Variants in DLGAP1 observed in about 807,000 individuals in gnomAD.
DLGAP1 encodes disks large-associated protein 1.
A neutral mutation model predicts 90.8 loss-of-function variants in DLGAP1; 11 were observed. The ratio of observed to expected loss-of-function variants is 0.12; its 90% CI spans 0.08 to 0.20. DLGAP1 has a LOEUF of 0.20. Among genes scored for constraint, DLGAP1 ranks in the 10% least tolerant of loss-of-function variants. The probability of loss-of-function intolerance (pLI) is 1.00; values close to 1 mark genes in which losing one functional copy is unlikely to be tolerated. For missense variants in DLGAP1, 1,050 were observed against 1,333.8 expected (o/e 0.79, Z 3.31); for synonymous variants, 558 against 540.7 (o/e 1.03, Z -0.44).
chr18:4,015,231 T>C (rs1397204748), intron 2 of DLGAP1, among the ~76,000 whole-genome samples: 1 of 152,174 alleles, frequency 6.6e-6, no homozygotes, highest in Non-Finnish European at 1.5e-5. Context: ...TTGAAGTGCA[T>C]ATTGACGCCC....
At chr18:3,674,296 A>AAAAAAAAAAATATATATATATATAT (rs755076240) in intron 7 of DLGAP1, among the ~76,000 whole-genome samples, 1 of 128,992 alleles carries the variant, frequency 7.8e-6, no homozygotes, top group African/African-American at 3.2e-5. Context: ...ATAATATTAA[A>AAAAAAAAAAATATATATATATATAT]ATATATATAT....
intron 1 of DLGAP1, among the ~76,000 whole-genome samples, chr18:4,321,033 A>G (rs141427246): frequency 4.6e-5 from 7 of 152,332 alleles, no homozygotes; most frequent in Non-Finnish European, 8.8e-5. Flanking sequence ...GTCATCATTT[A>G]TAAAAGAAAA....
chr18:3,924,431 G>C (rs1311091071), intron 3 of DLGAP1, among the ~76,000 whole-genome samples: 1 of 152,114 alleles, frequency 6.6e-6, no homozygotes, highest in African/African-American at 2.4e-5. Flanking sequence ...TAGATTTTCT[G>C]TTTATGTTTT....
At chr18:3,955,928 A>C (rs1459220729) in intron 3 of DLGAP1, among the ~76,000 whole-genome samples, 1 of 152,228 alleles carries the variant, frequency 6.6e-6, no homozygotes, top group African/African-American at 2.4e-5. Flanking sequence ...ATTCCTCAAA[A>C]ATGAACAAAA....
At position 4,151,190 on chromosome 18, in the gene DLGAP1, C is replaced by T. The variant is rs1304194401; in HGVS notation, c.-169G>A. 6.6e-6 allele frequency: 1 copy of T among 152,178 alleles called. No individual in the cohort carries two copies. The allele number at this position is 152,178 out of a possible 1,614,324, so 9.4% of individuals were successfully genotyped here. A position where few individuals can be genotyped will look rare whatever the true frequency, so the allele number is the denominator to read the frequency against. On this transcript the variant is annotated 5_prime_UTR_variant, in exon 2 of 13. The change abolishes the stop of an existing upstream ORF in the 5' untranslated region. Coordinates refer to ENST00000315677, the MANE Select transcript of DLGAP1 (RefSeq NM_004746.4). ...AGGGGGCAGTTTTACCTTTGATTAT[C>T]AATTGTCCATTTTCCTTGCTTCCGA...
In DLGAP1 at chr18:4,284,434, G is replaced by A. The variant is rs560801796; in HGVS notation, c.-266-133147C>T. Among the ~76,000 whole-genome samples the A allele has an allele frequency of 5.9e-5, 9 of 152,222 alleles. No individual in the cohort carries two copies. The East Asian group carries it at 1.7e-3, about 29-fold the overall frequency. ...ATCCCATCAAAGGCCTATGAACAAG[G>A]AGCTCTTGAGTTCGAGTACCAAGGC... On this transcript the variant is annotated intron_variant, in intron 1 of 12. Coordinates refer to ENST00000315677, the MANE Select transcript of DLGAP1 (RefSeq NM_004746.4).
intron 7 of DLGAP1, among the ~76,000 whole-genome samples, chr18:3,632,567 T>A (rs1158101227): frequency 6.6e-6 from 1 of 152,184 alleles, no homozygotes; most frequent in East Asian, 1.9e-4. Flanking sequence ...CCTCCCAAAG[T>A]GCTACGATTA....
intron 2 of DLGAP1, among the ~76,000 whole-genome samples, chr18:4,071,062 A>C (rs2075439978): frequency 6.6e-6 from 1 of 152,206 alleles, no homozygotes; most frequent in South Asian, 2.1e-4. Flanking sequence ...AGATAATCTA[A>C]GCAAATGTAG....
intron 3 of DLGAP1, among the ~76,000 whole-genome samples, chr18:3,886,351 A>G (rs2071313098): frequency 6.6e-6 from 1 of 152,330 alleles, no homozygotes; most frequent in South Asian, 2.1e-4. Flanking sequence ...ACAGGCATAT[A>G]ATGTTTAATA....
chr18:4,087,936 C>T (rs1432929324), intron 2 of DLGAP1, among the ~76,000 whole-genome samples: 1 of 151,954 alleles, frequency 6.6e-6, no homozygotes, highest in Non-Finnish European at 1.5e-5. Flanking sequence ...TATGTTTAGA[C>T]TAAAATCTAA....
At chr18:4,245,312 A>G (rs904097117) in intron 1 of DLGAP1, among the ~76,000 whole-genome samples, 1 of 152,216 alleles carries the variant, frequency 6.6e-6, no homozygotes, top group Non-Finnish European at 1.5e-5. Flanking sequence ...TTTCATCAGC[A>G]TTATGAAAAC....
At chr18:3,779,454 T>C (rs1043701429) in intron 5 of DLGAP1, among the ~76,000 whole-genome samples, 3 of 152,150 alleles carry the variant, frequency 2.0e-5, no homozygotes, top group African/African-American at 7.2e-5. Flanking sequence ...AAACCCATAG[T>C]AATCCATCCA....
At chr18:3,643,752 A>C (rs555831699) in intron 7 of DLGAP1, among the ~76,000 whole-genome samples, 1 of 152,140 alleles carries the variant, frequency 6.6e-6, no homozygotes, top group East Asian at 1.9e-4. Context: ...TAGGTTCAAC[A>C]TTGCTCATAA....
intron 1 of DLGAP1, among the ~76,000 whole-genome samples, chr18:4,242,390 G>C (rs969010110): frequency 6.6e-6 from 1 of 152,088 alleles, no homozygotes; most frequent in Non-Finnish European, 1.5e-5. Flanking sequence ...GTGGGTGCTA[G>C]AAAGTCCGCC....
Position 3,833,322 on chromosome 18 carries a change from C to T in DLGAP1, c.958-19049G>A, listed in dbSNP as rs1022254660. Among the ~76,000 whole-genome samples the T allele has an allele frequency of 2.6e-5, 4 of 151,748 alleles. No homozygotes were observed. The South Asian group carries it at 6.3e-4, about 24-fold the overall frequency. ...AATCACAGCTCACTGCAGCCTCGAT[C>T]TTTCAGGCTCAAGCAATCCTTCCAC... On this transcript the variant is annotated intron_variant, in intron 4 of 12. Coordinates refer to ENST00000315677, the MANE Select transcript of DLGAP1 (RefSeq NM_004746.4).
intron 7 of DLGAP1, among the ~76,000 whole-genome samples, chr18:3,623,760 G>C (rs1567853265): frequency 8.3e-6 from 1 of 120,204 alleles, no homozygotes; most frequent in East Asian, 2.5e-4. Context: ...CTGAGAGACA[G>C]AGCAAGACTC....
intron 6 of DLGAP1, among the ~76,000 whole-genome samples, chr18:3,739,610 A>C (rs1273200035): frequency 2.5e-5 from 3 of 118,992 alleles, no homozygotes; most frequent in African/African-American, 9.9e-5. Flanking sequence ...GGAACATCAC[A>C]CTCTGGGGAC....
chr18:4,023,475 C>T (rs375137986), intron 2 of DLGAP1, among the ~76,000 whole-genome samples: 29 of 152,206 alleles, frequency 1.9e-4, no homozygotes, highest in East Asian at 5.8e-4. Flanking sequence ...CAAGTGTATT[C>T]GCATTCTTGT....
In DLGAP1 at chr18:3,711,737, GC is replaced by G. The variant is rs1297820389; in HGVS notation, c.1591+17397del. ...ACCTGTGGTCCCAGCTACTTGGGAG[GC>G]TCAGGTGGGAGGCTTGCTTGAGCCC... On this transcript the variant is annotated intron_variant, in intron 7 of 12. Coordinates refer to ENST00000315677, the MANE Select transcript of DLGAP1 (RefSeq NM_004746.4). This position sits in a 1 kb window ranked among gnomAD's most constrained non-coding sequence, Gnocchi z 4.0. 1.3e-5 allele frequency among the ~76,000 whole-genome samples: 2 copies of G among 152,154 alleles called. No individual in the cohort carries two copies. Among genetic ancestry groups the G allele is most frequent in the Non-Finnish European group, 2.9e-5 (2 of 68,034 alleles).
Sources: gnomAD v4.1 joint callset for allele counts (sites outside exome capture counted in the v4.1 genomes callset) on GRCh38, gnomAD v4.1.1 for gene constraint, Gnocchi (gnomAD v3.1) non-coding constraint, MANE v1.5 for transcripts, NCBI Gene and HGNC (gene_info 2026-07-23, HGNC 2026-07-21) for gene names.